The following DDO variants were observed in gnomAD, a reference collection of about 807,000 sequenced individuals.
DDO encodes the protein D-aspartate oxidase, also known as D-aspartate oxidase, DDO.
DDO carries 16 observed loss-of-function variants against 16.8 expected under a neutral mutation model. That is an observed-to-expected ratio of 0.95 (90% CI 0.65 to 1.45). The LOEUF is 1.45. Among genes scored for constraint, DDO ranks in the 40% most tolerant of loss-of-function variants. The probability of loss-of-function intolerance (pLI) is 0.00; values close to 1 mark genes in which losing one functional copy is unlikely to be tolerated. For missense variants in DDO, 429 were observed against 420.3 expected, an observed-to-expected ratio of 1.02 and a Z score of -0.18; for synonymous variants, 180 against 167.2, an observed-to-expected ratio of 1.08 and a Z score of -0.59.
Position 110,392,233 on chromosome 6 carries a change from AC to A in DDO, c.*541del. ...GAATTATGTTGCTGACTTGGCTATA[AC>A]CTAAGAAGATCACAGGCAGCTCTGC... On this transcript the variant is annotated 3_prime_UTR_variant, in exon 5 of 5. Transcript: ENST00000368924. The A allele has an allele frequency of 2.0e-6, 2 of 985,456 alleles. No homozygotes were observed. The highest frequency in any genetic ancestry group is 2.4e-6 in the Non-Finnish European group (2 of 829,946). The allele number at this position is 985,456 out of a possible 1,614,324, so 61.0% of individuals were successfully genotyped here.
intron 1 of DDO, among the ~76,000 whole-genome samples, chr6:110,414,517 A>G (rs1172500088): frequency 1.3e-5 from 2 of 152,262 alleles, no homozygotes; most frequent in Non-Finnish European, 2.9e-5. Context: ...AGCCCGGGCC[A>G]GGTGTCCTGA....
At chr6:110,411,592 T>A (rs930691540) in intron 2 of DDO, among the ~76,000 whole-genome samples, 1 of 151,960 alleles carries the variant, frequency 6.6e-6, no homozygotes, top group Non-Finnish European at 1.5e-5. Flanking sequence ...AAAAATTCAA[T>A]AGCAAGGTAA....
rs147261535 is a variant in DDO at position 110,392,373 on chromosome 6, T to C, written c.*402A>G. On this transcript the variant is annotated 3_prime_UTR_variant, in exon 5 of 5. Coordinates refer to ENST00000368924, the MANE Select transcript of DDO (RefSeq NM_001372108.2). ...CATTCATATAAATCTGCATAGGTCC[T>C]TGGACATCAGTTCTAAATAAATTTT... 4.0e-6 allele frequency: 4 copies of C among 990,028 alleles called. No homozygotes were observed. In the East Asian group the frequency reaches 3.4e-4, roughly 83 times the overall value. The allele number at this position is 990,028 out of a possible 1,614,324, so 61.3% of individuals were successfully genotyped here.
At chr6:110,394,801 C>T (rs577909846) in intron 4 of DDO, among the ~76,000 whole-genome samples, 1 of 152,204 alleles carries the variant, frequency 6.6e-6, no homozygotes, top group African/African-American at 2.4e-5. Flanking sequence ...GGGGAGGATA[C>T]CTCCCTTGCC....
At chr6:110,403,521 G>A (rs998963373) in intron 4 of DDO, among the ~76,000 whole-genome samples, 1 of 152,190 alleles carries the variant, frequency 6.6e-6, no homozygotes, top group African/African-American at 2.4e-5. Context: ...CTTGGCATAT[G>A]AACAGTGGTT....
rs751692935 is a variant in DDO, at chr6:110,392,784, T to C, written c.1017A>G (p.Ser339=). 3.0e-5 allele frequency: 47 copies of C among 1,554,546 alleles called. No homozygotes were observed. The Middle Eastern group carries it at 8.7e-4, about 29-fold the overall frequency. ...TGTCATTTTATGTCATCTACAGGTT[T>C]GACTTGGGAATGGGGGTCCTGAGGG... ...VHALRTPIPK[S]NL is the part of the protein sequence containing the mutation. The change falls in exon 5 of 5, where the codon TCA becomes TCG. Residue 339 remains serine (S), a synonymous_variant. Coordinates refer to ENST00000368924, the MANE Select transcript of DDO (RefSeq NM_001372108.2).
At chr6:110,401,379 A>C (rs766577043) in intron 4 of DDO, among the ~76,000 whole-genome samples, 8 of 152,154 alleles carry the variant, frequency 5.3e-5, no homozygotes, top group Non-Finnish European at 1.2e-4. Flanking sequence ...AAGGTGGTGG[A>C]AAATATTCAT....
chr6:110,393,906 A>T (rs757232426), intron 4 of DDO, among the ~76,000 whole-genome samples: 21 of 152,280 alleles, frequency 1.4e-4, no homozygotes, highest in Non-Finnish European at 2.1e-4. Context: ...TAATTACTAT[A>T]TTTTTTGGAC....
chr6:110,389,346 T>C (rs1450717894), downstream of DDO, among the ~76,000 whole-genome samples: 1 of 152,198 alleles, frequency 6.6e-6, no homozygotes, highest in Non-Finnish European at 1.5e-5. Flanking sequence ...TTTCTCAGCC[T>C]CCATAATTGT....
intron 4 of DDO, among the ~76,000 whole-genome samples, chr6:110,394,841 T>C (rs1157270351): frequency 6.6e-6 from 1 of 152,184 alleles, no homozygotes; most frequent in Non-Finnish European, 1.5e-5. Context: ...GAGGTTACAA[T>C]AAAATAATGG....
chr6:110,399,177 G>T (rs1773390870), intron 4 of DDO, among the ~76,000 whole-genome samples: 1 of 152,114 alleles, frequency 6.6e-6, no homozygotes, highest in Non-Finnish European at 1.5e-5. Context: ...ATATTATTGG[G>T]CATTATTGTT....
At position 110,413,390 on chromosome 6, in the gene DDO, G is replaced by C; in HGVS notation, c.73C>G (p.Leu25Val). ...GLSTAVCISK[L>V]VPRCSVTIIS... ...ATGGTAACGGAGCATCGGGGCACCA[G>C]TTTGGAGATGCACACAGCCGTGGAG... Residue 25 changes from leucine to valine, a missense_variant, in exon 2 of 5, where the codon CTG becomes GTG. Leu to Val is a conservative substitution (Grantham distance 32). Transcript: ENST00000368924. The C allele has an allele frequency of 6.2e-7, 1 of 1,614,168 alleles. No individual in the cohort carries two copies. Among genetic ancestry groups the C allele is most frequent in the South Asian group, 1.1e-5 (1 of 91,072 alleles).
chr6:110,413,536 T>C, intron 1 of DDO, 70 bp from the exon 2 acceptor site: 1 of 1,544,924 alleles, frequency 6.5e-7, no homozygotes, highest in Non-Finnish European at 8.8e-7. Context: ...AGTTTGGTCT[T>C]GACAGTTTTT....
intron 1 of DDO, 83 bp downstream of exon 1, chr6:110,415,384 C>A: frequency 6.4e-7 from 1 of 1,569,446 alleles, no homozygotes; most frequent in Non-Finnish European, 8.7e-7. Context: ...CCATCACTGT[C>A]CCCTGACCCT....
downstream of DDO, among the ~76,000 whole-genome samples, chr6:110,390,602 G>T (rs149019844): frequency 2.7e-3 from 412 of 152,288 alleles, 1 homozygote; most frequent in African/African-American, 9.4e-3. Flanking sequence ...AATAGGCAAA[G>T]GTCATAGAAG....
chr6:110,415,014 G>C (rs1195437186), intron 1 of DDO, among the ~76,000 whole-genome samples: 1 of 152,238 alleles, frequency 6.6e-6, no homozygotes, highest in Non-Finnish European at 1.5e-5. Context: ...AGTTTAGTGT[G>C]ATATTCCTAT....
chr6:110,412,770 C>T (rs78238690), intron 2 of DDO, among the ~76,000 whole-genome samples: 1,859 of 152,310 alleles, frequency 0.012, 32 homozygotes, highest in African/African-American at 0.043. Context: ...CAAACTTTTG[C>T]CTTTTAAGCT....
At position 110,393,079 on chromosome 6, in the gene DDO, T is replaced by C; in HGVS notation, c.722A>G (p.Asp241Gly). The C allele has an allele frequency of 1.2e-6, 2 of 1,613,572 alleles. No homozygotes were observed. The highest frequency in any genetic ancestry group is 1.7e-6 in the Non-Finnish European group (2 of 1,179,472). The change falls in exon 5 of 5, where the codon GAC (aspartate) becomes GGC (glycine). Residue 241 changes from aspartate to glycine, a missense_variant. Coordinates refer to ENST00000368924, the MANE Select transcript of DDO (RefSeq NM_001372108.2). ...TTCTGCATCCGGGGACAGATTCCAG[T>C]CCCCTTTTTGCCTAGTTCCACCTAG... ...VTLGGTRQKGDWNLSPDAENS... is the reference protein window; with the variant it reads ...VTLGGTRQKGGWNLSPDAENS...
At chr6:110,388,836 A>G, downstream of DDO, 1 of 976,770 alleles carries the variant, frequency 1.0e-6, no homozygotes, top group African/African-American at 1.7e-5. Flanking sequence ...AGATGTTCTG[A>G]AATAGAAAAC....
Sources: allele counts gnomAD v4.1 joint callset (sites outside exome capture counted in the v4.1 genomes callset), GRCh38; gene constraint gnomAD v4.1.1; transcripts MANE v1.5; gene names NCBI Gene and HGNC (gene_info 2026-07-23, HGNC 2026-07-21).